DENND2C: variants seen among roughly 807,000 people sequenced by gnomAD.
DENND2C encodes the protein DENN domain containing 2C, also known as DENN domain-containing protein 2C.
In DENND2C, 72 loss-of-function variants were observed where a neutral mutation model predicts 112.4. The observed-to-expected ratio is 0.64, with a 90% confidence interval of 0.53 to 0.78. The LOEUF is 0.78. Among genes scored for constraint, DENND2C ranks in the 30% least tolerant of loss-of-function variants. DENND2C has a pLI of 0.00. For missense variants in DENND2C, 992 were observed against 1,113.8 expected (o/e 0.89, Z 1.56); for synonymous variants, 329 against 381.6 (o/e 0.86, Z 1.61).
At chr1:114,601,690 G>A in intron 12 of DENND2C, 105 bp from the exon 13 acceptor site, 1 of 900,716 alleles carries the variant, frequency 1.1e-6, no homozygotes. Flanking sequence ...GTACGGAGCA[G>A]TAACCAAGGC....
intron 1 of DENND2C, among the ~76,000 whole-genome samples, chr1:114,656,815 A>G (rs991143138): frequency 6.6e-6 from 1 of 151,496 alleles, no homozygotes; most frequent in Non-Finnish European, 1.5e-5. Flanking sequence ...GCAGTGGTGC[A>G]GTCTTGGCTC....
intron 12 of DENND2C, 24 bp from the exon 13 acceptor site, chr1:114,601,609 C>CA (rs1557941356): frequency 1.9e-6 from 3 of 1,584,614 alleles, no homozygotes; most frequent in South Asian, 1.1e-5. Flanking sequence ...ACAACAACAA[C>CA]AAAAAAATCA....
At chr1:114,656,400 T>TC (rs948152027) in intron 1 of DENND2C, among the ~76,000 whole-genome samples, 2 of 104,334 alleles carry the variant, frequency 1.9e-5, no homozygotes, top group African/African-American at 8.4e-5. Context: ...TTTCTTTCTT[T>TC]CTTTTTTTTT....
intron 11 of DENND2C, 118 bp from the exon 12 acceptor site, chr1:114,602,312 C>T: frequency 2.1e-6 from 2 of 942,790 alleles, no homozygotes; most frequent in Non-Finnish European, 3.1e-6. Flanking sequence ...TAGTTAGGAT[C>T]CAAACAACCA....
chr1:114,603,393 C>T (rs1655572493), intron 11 of DENND2C, among the ~76,000 whole-genome samples: 1 of 151,782 alleles, frequency 6.6e-6, no homozygotes, highest in South Asian at 2.1e-4. Context: ...CCCGCCTTGG[C>T]CTGGGATTAC....
chr1:114,601,701 T>G (rs1655508962), intron 12 of DENND2C, 116 bp from the exon 13 acceptor site: 1 of 841,934 alleles, frequency 1.2e-6, no homozygotes, highest in African/African-American at 1.7e-5. Flanking sequence ...TAACCAAGGC[T>G]CTCATCTTTA....
Position 114,587,859 on chromosome 1 carries a change from C to T in DENND2C, c.2525G>A (p.Arg842His), listed in dbSNP as rs769473985. 9.9e-5 allele frequency: 159 copies of T among 1,613,970 alleles called. 1 individual carries two copies. The highest frequency in any genetic ancestry group is 1.2e-4 in the Non-Finnish European group (146 of 1,180,014). Residue 842 changes from arginine to histidine, a missense_variant, in exon 19 of 21, where the codon CGT becomes CAT. By Grantham distance (29) the Arg-to-His change is conservative. This residue lies in a region of DENND2C where 516 missense variants were observed against 623.6 expected (regional missense o/e 0.83). Transcript: ENST00000393274. The part of the protein sequence containing the change: ...HYSLNMTVTE[R>H]GERVFQREPF... ...TTCCCTTTGGAAAACACGCTCCCCA[C>T]GCTCAGTGACAGTCATGTTCAAAGA...
At chr1:114,652,559 C>A (rs1253078578) in intron 2 of DENND2C, among the ~76,000 whole-genome samples, 1 of 151,862 alleles carries the variant, frequency 6.6e-6, no homozygotes, top group Non-Finnish European at 1.5e-5. Context: ...GGTTCCAGGA[C>A]CTCCTTCGGA....
In DENND2C at chr1:114,600,820, C is replaced by T. The variant is rs770613267; in HGVS notation, c.1956G>A (p.Glu652=). The T allele has an allele frequency of 1.2e-6, 2 of 1,610,038 alleles. No individual in the cohort carries two copies. The highest frequency in any genetic ancestry group is 1.7e-6 in the Non-Finnish European group (2 of 1,178,528). ...VKSYLPGAGD[E]SIELCRPLDS... Reference sequence around the variant, plus strand: ...ATCTTTTCAAAATGAGCTAACTTACCTCATCTCCAGCCCCAGGGAGGTAAC... The same window carrying T: ...ATCTTTTCAAAATGAGCTAACTTACTTCATCTCCAGCCCCAGGGAGGTAAC... Residue 652 remains glutamate, a splice_region_variant and synonymous_variant, in exon 14 of 21, where the codon GAG becomes GAA. Coordinates refer to ENST00000393274, the MANE Select transcript of DENND2C (RefSeq NM_001256404.2).
At chr1:114,641,184 A>G (rs368123464) in intron 3 of DENND2C, among the ~76,000 whole-genome samples, 2 of 150,666 alleles carry the variant, frequency 1.3e-5, no homozygotes, top group East Asian at 1.9e-4. Context: ...TAATCCCAGT[A>G]CCTGTTGGGA....
At chr1:114,622,901 C>T in intron 6 of DENND2C, 86 bp downstream of exon 6, 1 of 980,674 alleles carries the variant, frequency 1.0e-6, no homozygotes, top group African/African-American at 1.7e-5. Context: ...CCTCTTAGTT[C>T]TGGACCCAGT....
intron 1 of DENND2C, among the ~76,000 whole-genome samples, chr1:114,661,422 CTAAA>C (rs1296057941): frequency 6.6e-6 from 1 of 152,138 alleles, no homozygotes; most frequent in Non-Finnish European, 1.5e-5. Context: ...TGATACACAA[CTAAA>C]TGAGACAATA....
Position 114,622,061 on chromosome 1 carries a change from G to A in DENND2C, c.1061C>T (p.Pro354Leu), listed in dbSNP as rs1656181750. 6.5e-7 allele frequency: 1 copy of A among 1,538,310 alleles called. No individual in the cohort carries two copies. Among genetic ancestry groups the A allele is most frequent in the Non-Finnish European group, 8.8e-7 (1 of 1,142,622 alleles). ...CCGGTGAAGGAACTGAGGTTTTGGA[G>A]GGAGCTAAAACAGGAGAAGATGTAC... ...AKSAFKAPKL[P>L]PKPQFLHRKT... The change falls in exon 7 of 21, where the codon CCT (proline) becomes CTT (leucine). Residue 354 changes from proline (P) to leucine (L), a missense_variant. Pro to Leu is a moderately conservative substitution (Grantham distance 98, BLOSUM62 -3). Transcript: ENST00000393274.
intron 1 of DENND2C, among the ~76,000 whole-genome samples, chr1:114,665,688 AACAGGACTCAT>A (rs1240533374): frequency 6.6e-6 from 1 of 152,206 alleles, no homozygotes; most frequent in African/African-American, 2.4e-5. Context: ...ATTTTAAAAG[AACAGGACTCAT>A]TTGGATGTAA....
intron 1 of DENND2C, among the ~76,000 whole-genome samples, chr1:114,665,735 C>A (rs974660217): frequency 6.6e-6 from 1 of 152,214 alleles, no homozygotes; most frequent in African/African-American, 2.4e-5. Context: ...CAATTAAAAT[C>A]CATTTCATTG....
At chr1:114,616,995 G>A (rs1049614717) in intron 8 of DENND2C, among the ~76,000 whole-genome samples, 3 of 152,108 alleles carry the variant, frequency 2.0e-5, no homozygotes, top group African/African-American at 7.2e-5. Flanking sequence ...AAAATCAGAC[G>A]AAGCAAATGC....
At chr1:114,633,327 C>A (rs1056542002) in intron 3 of DENND2C, among the ~76,000 whole-genome samples, 2 of 150,858 alleles carry the variant, frequency 1.3e-5, no homozygotes, top group Non-Finnish European at 2.9e-5. Context: ...TGCCAGTAAT[C>A]CTAGCTACTC....
At chr1:114,590,210 A>G (rs1655146470) in intron 18 of DENND2C, among the ~76,000 whole-genome samples, 2 of 152,106 alleles carry the variant, frequency 1.3e-5, no homozygotes. Flanking sequence ...GCTGGGCAAC[A>G]TAGACTCCAT....
At chr1:114,600,627 C>T (rs560109871) in intron 14 of DENND2C, among the ~76,000 whole-genome samples, 193 bp downstream of exon 14, 1 of 152,240 alleles carries the variant, frequency 6.6e-6, no homozygotes, top group East Asian at 1.9e-4. Flanking sequence ...GGTAGAAAAT[C>T]TCTGGGTCCT....
Sources: allele counts gnomAD v4.1 joint callset (sites outside exome capture counted in the v4.1 genomes callset), GRCh38; gene constraint gnomAD v4.1.1; regional missense constraint gnomAD v4.1.1; transcripts MANE v1.5; gene names NCBI Gene and HGNC (gene_info 2026-07-23, HGNC 2026-07-21).